Variants in PCDH9 observed in about 807,000 individuals in gnomAD.
PCDH9 encodes the protein protocadherin-9.
Under a neutral mutation model 70.6 loss-of-function variants are expected in PCDH9, and 24 were observed. That is an observed-to-expected ratio of 0.34 (90% CI 0.25 to 0.48). The LOEUF (loss-of-function observed/expected upper bound fraction) is 0.48, where lower values mean the gene tolerates loss of function less well. Among genes scored for constraint, PCDH9 ranks in the 20% least tolerant of loss-of-function variants. PCDH9 has a pLI of 0.99. For synonymous variants in PCDH9, 562 were observed against 558.5 expected, an observed-to-expected ratio of 1.01 and a Z score of -0.09; for missense variants, 1,281 against 1,503.6, an observed-to-expected ratio of 0.85 and a Z score of 2.45.
Position 66,303,105 on chromosome 13 carries a change from A to T in PCDH9, c.*1550T>A, listed in dbSNP as rs959860984. ...TCAGATTAGCAAACCTTTTTTTTAA[A>T]TTTTTTGTTTTTTTTTTGTTTTTTT... On this transcript the variant is annotated 3_prime_UTR_variant, in exon 5 of 5. Coordinates refer to ENST00000377865, the MANE Select transcript of PCDH9 (RefSeq NM_203487.3). 4.6e-5 allele frequency: 7 copies of T among 151,592 alleles called. No homozygotes were observed. The highest frequency in any genetic ancestry group is 6.6e-5 in the Admixed American group (1 of 15,152). The allele number at this position is 151,592 out of a possible 1,614,324, so 9.4% of individuals were successfully genotyped here.
intron 2 of PCDH9, among the ~76,000 whole-genome samples, chr13:67,088,238 C>G (rs1314108614): frequency 1.3e-5 from 2 of 151,816 alleles, no homozygotes; most frequent in African/African-American, 2.4e-5. Context: ...ACCCATGCCT[C>G]TTGGATCTCA....
intron 3 of PCDH9, among the ~76,000 whole-genome samples, chr13:66,816,877 G>A (rs1297960040): frequency 2.7e-5 from 4 of 150,644 alleles, no homozygotes; most frequent in African/African-American, 9.7e-5. Flanking sequence ...GGTAAGTGGT[G>A]GTGTGTTGAT....
rs551008756 is a variant in PCDH9, at chr13:67,091,479, C to A, written c.3036+133926G>T. ...TGCCGTCATTTGAAGGACTTGCTGCCAATGTTGTTCTCTTACTGTTACATG... is the reference window on the plus strand; with the variant it reads ...TGCCGTCATTTGAAGGACTTGCTGCAAATGTTGTTCTCTTACTGTTACATG... On this transcript the variant is annotated intron_variant, in intron 2 of 4. Coordinates refer to ENST00000377865, the MANE Select transcript of PCDH9 (RefSeq NM_203487.3). Among the ~76,000 whole-genome samples the A allele has an allele frequency of 1.1e-4, 16 of 152,126 alleles. No homozygotes were observed. The East Asian group carries it at 3.1e-3, about 29-fold the overall frequency.
chr13:67,207,898 A>G (rs1430377801), intron 2 of PCDH9: 1 of 152,160 alleles, frequency 6.6e-6, no homozygotes, highest in Non-Finnish European at 1.5e-5. Flanking sequence ...TACAAAGGTT[A>G]TGTAACATTG....
At chr13:66,849,873 T>G (rs1328445412) in intron 3 of PCDH9, among the ~76,000 whole-genome samples, 1 of 152,122 alleles carries the variant, frequency 6.6e-6, no homozygotes. Flanking sequence ...ACCTTGGTGC[T>G]GGCACATTAG....
intron 4 of PCDH9, among the ~76,000 whole-genome samples, chr13:66,412,057 A>G (rs1021604094): frequency 2.0e-5 from 3 of 152,200 alleles, no homozygotes; most frequent in South Asian, 2.1e-4. Flanking sequence ...TGACCTTTTC[A>G]TGGGAGAAGA....
chr13:66,640,790 T>C, intron 3 of PCDH9, among the ~76,000 whole-genome samples: 1 of 152,238 alleles, frequency 6.6e-6, no homozygotes, highest in Non-Finnish European at 1.5e-5. Flanking sequence ...CATGACGGAT[T>C]GTTAATTTGC....
chr13:66,424,575 CTG>C (rs1202298554), intron 4 of PCDH9, among the ~76,000 whole-genome samples: 1 of 151,914 alleles, frequency 6.6e-6, no homozygotes, highest in Non-Finnish European at 1.5e-5. Context: ...AAGTAAAAGT[CTG>C]TATAGCTGAT....
intron 4 of PCDH9, among the ~76,000 whole-genome samples, chr13:66,477,165 C>G (rs1439087076): frequency 6.6e-6 from 1 of 152,082 alleles, no homozygotes; most frequent in Non-Finnish European, 1.5e-5. Context: ...CAGGACCACA[C>G]ATTTTATTAG....
intron 3 of PCDH9, among the ~76,000 whole-genome samples, chr13:66,714,683 A>G (rs2078846755): frequency 6.6e-6 from 1 of 152,136 alleles, no homozygotes; most frequent in African/African-American, 2.4e-5. Flanking sequence ...ACAAATATGC[A>G]CTAAATGTTG....
chr13:66,346,110 C>T (rs1241426506), intron 4 of PCDH9, among the ~76,000 whole-genome samples: 2 of 152,060 alleles, frequency 1.3e-5, no homozygotes, highest in Admixed American at 1.3e-4. Flanking sequence ...TGCTCACGAC[C>T]CAAATTATAT....
chr13:66,769,810 T>C (rs1398954438), intron 3 of PCDH9, among the ~76,000 whole-genome samples: 1 of 152,164 alleles, frequency 6.6e-6, no homozygotes, highest in African/African-American at 2.4e-5. Context: ...AAATCTCATA[T>C]TTTTACAGTT....
At chr13:66,509,618 T>C (rs1178255598) in intron 4 of PCDH9, among the ~76,000 whole-genome samples, 1 of 152,134 alleles carries the variant, frequency 6.6e-6, no homozygotes, top group East Asian at 1.9e-4. Flanking sequence ...TTTCTTCTTC[T>C]TCTTCTTCTT....
chr13:66,481,098 G>A (rs974358098), intron 4 of PCDH9, among the ~76,000 whole-genome samples: 20 of 151,716 alleles, frequency 1.3e-4, no homozygotes, highest in African/African-American at 3.2e-4. Flanking sequence ...AGTGGGAGTC[G>A]AACAATGAGA....
intron 4 of PCDH9, among the ~76,000 whole-genome samples, chr13:66,462,940 C>A (rs1397238530): frequency 6.6e-6 from 1 of 151,734 alleles, no homozygotes; most frequent in Non-Finnish European, 1.5e-5. Context: ...AGGAAAAAAA[C>A]CTAATTATTC....
intron 2 of PCDH9, among the ~76,000 whole-genome samples, chr13:67,113,492 T>C (rs570879664): frequency 6.6e-6 from 1 of 152,004 alleles, no homozygotes; most frequent in African/African-American, 2.4e-5. Context: ...TAATAATTAC[T>C]TTTTTTCCCA....
chr13:66,601,179 A>G (rs1378560608), intron 4 of PCDH9, among the ~76,000 whole-genome samples: 2 of 145,998 alleles, frequency 1.4e-5, no homozygotes, highest in Non-Finnish European at 3.1e-5. Flanking sequence ...GGCTAGATCT[A>G]ATAACATCTA....
chr13:67,104,358 C>T (rs2086493199), intron 2 of PCDH9, among the ~76,000 whole-genome samples: 1 of 152,072 alleles, frequency 6.6e-6, no homozygotes, highest in South Asian at 2.1e-4. Flanking sequence ...TGGAGCATTG[C>T]CAGGTTAGCT....
intron 3 of PCDH9, among the ~76,000 whole-genome samples, chr13:66,827,472 G>C (rs1449775458): frequency 6.6e-6 from 1 of 152,088 alleles, no homozygotes; most frequent in Non-Finnish European, 1.5e-5. Flanking sequence ...GCTCTCAGAG[G>C]CTTCTATAAT....
Sources: allele counts gnomAD v4.1 joint callset (sites outside exome capture counted in the v4.1 genomes callset), GRCh38; gene constraint gnomAD v4.1.1; transcripts MANE v1.5; gene names NCBI Gene and HGNC (gene_info 2026-07-23, HGNC 2026-07-21).